CSN2: variants seen among roughly 807,000 people sequenced by gnomAD.
The protein encoded by CSN2 is beta-casein.
A neutral mutation model predicts 27.3 loss-of-function variants in CSN2; 27 were observed. The ratio of observed to expected loss-of-function variants is 0.99; its 90% confidence interval spans 0.73 to 1.36. The LOEUF is 1.36. CSN2 is among the 40% of genes most tolerant of loss of function. The probability of loss-of-function intolerance (pLI) is 0.00; values close to 1 mark genes in which losing one functional copy is unlikely to be tolerated. For missense variants in CSN2, 333 were observed against 264.5 expected (o/e 1.26, Z -1.80); for synonymous variants, 131 against 94.8 (o/e 1.38, Z -2.22).
At chr4:69,962,295 A>G (rs1461927522) in intron 1 of CSN2, among the ~76,000 whole-genome samples, 1 of 152,190 alleles carries the variant, frequency 6.6e-6, no homozygotes, top group Non-Finnish European at 1.5e-5. Context: ...AAGCCAAAAG[A>G]ACAAAGCTGG....
At chr4:69,959,884 A>G (rs1247058686) in intron 3 of CSN2, among the ~76,000 whole-genome samples, 169 bp downstream of exon 3, 1 of 152,098 alleles carries the variant, frequency 6.6e-6, no homozygotes, top group African/African-American at 2.4e-5. Flanking sequence ...AAGTTCTAGA[A>G]TGTTGTATTA....
chr4:69,955,730 T>C (rs1723375049), intron 7 of CSN2, 138 bp from the exon 8 acceptor site: 1 of 152,502 alleles, frequency 6.6e-6, no homozygotes, highest in Non-Finnish European at 1.5e-5. Flanking sequence ...TTTGGAGGCA[T>C]GTAAAGTTTG....
intron 6 of CSN2, 148 bp from the exon 7 acceptor site, chr4:69,956,503 A>G (rs575944544): frequency 3.9e-6 from 2 of 518,034 alleles, no homozygotes; most frequent in East Asian, 4.4e-5. Flanking sequence ...AGGCTTGTGT[A>G]AAATAAATAA....
In CSN2 at chr4:69,959,059, G is replaced by A. The variant is rs1273311351; in HGVS notation, c.89C>T (p.Thr30Ile). 8 of 1,385,780 alleles carry A rather than the reference G, an allele frequency of 5.8e-6. No homozygotes were observed. The highest frequency in any genetic ancestry group is 8.0e-6 in the Non-Finnish European group (8 of 1,002,732). The allele number at this position is 1,385,780 out of a possible 1,614,324, so 85.8% of individuals were successfully genotyped here. A position where few individuals can be genotyped will look rare whatever the true frequency, so the allele number is the denominator to read the frequency against. The change falls in exon 4 of 8, where the codon ACA (threonine) becomes ATA (isoleucine). Residue 30 changes from threonine to isoleucine, a missense_variant. Transcript: ENST00000353151. Reference sequence around the variant, plus strand: ...AATGTGAAAATTTACCTTGTATTCTGTAATAGATTCCTACAGAAAAATATA... The same window carrying A: ...AATGTGAAAATTTACCTTGTATTCTATAATAGATTCCTACAGAAAAATATA... ...ESLSSSEESI[T>I]EYKQKVEKVK...
chr4:69,964,126 A>G (rs1262624210), intron 1 of CSN2, among the ~76,000 whole-genome samples: 1 of 152,058 alleles, frequency 6.6e-6, no homozygotes, highest in African/African-American at 2.4e-5. Context: ...TCTTCCCCAC[A>G]TAGCTAATAA....
rs185188864 is a variant in CSN2 at position 69,959,944 on chromosome 4, A to C, written c.78+109T>G. On this transcript the variant is annotated intron_variant, in intron 3 of 7. Transcript: ENST00000353151. The stretch of plus-strand genomic sequence containing the variant: ...ACACATAAAAGAAATATGTACTAGA[A>C]CTTATATGTCATTAACATAGCTGCA... 10 of 911,322 alleles carry C rather than the reference A, an allele frequency of 1.1e-5. No individual in the cohort carries two copies. The East Asian group carries it at 2.5e-4, about 23-fold the overall frequency. 56.5% of individuals were successfully genotyped at this position (911,322 alleles called of 1,614,324 possible).
chr4:69,960,674 C>A (rs538107771), intron 2 of CSN2, among the ~76,000 whole-genome samples: 3 of 151,914 alleles, frequency 2.0e-5, no homozygotes, highest in Non-Finnish European at 4.4e-5. Flanking sequence ...TATTATATTT[C>A]GTTGCCATTT....
At chr4:69,962,641 AACCTAGGCAAT>A (rs1723636359) in intron 1 of CSN2, among the ~76,000 whole-genome samples, 1 of 152,194 alleles carries the variant, frequency 6.6e-6, no homozygotes, top group African/African-American at 2.4e-5. Flanking sequence ...CCTAGAAGAA[AACCTAGGCAAT>A]ACCATTCAGG....
intron 1 of CSN2, among the ~76,000 whole-genome samples, 99 bp downstream of exon 1, chr4:69,965,582 A>G (rs921461497): frequency 4.6e-5 from 7 of 151,546 alleles, no homozygotes; most frequent in Non-Finnish European, 1.0e-4. Context: ...TTTATTTCAA[A>G]CACTATATTT....
chr4:69,957,570 C>A lies in CSN2; in HGVS notation c.379G>T (p.Asp127Tyr), dbSNP rs752089071. 2.5e-6 allele frequency: 4 copies of A among 1,613,434 alleles called. No individual in the cohort carries two copies. The highest frequency in any genetic ancestry group is 3.4e-6 in the Non-Finnish European group (4 of 1,179,844). The change falls in exon 6 of 8, where the codon GAC becomes TAC. Residue 127 changes from aspartate (D) to tyrosine (Y), a missense_variant. Physicochemically the swap from Asp to Tyr is radical, Grantham distance 160. Coordinates refer to ENST00000353151, the MANE Select transcript of CSN2 (RefSeq NM_001891.4). ...VLKSPTIPFF[D>Y]PQIPKLTDLE... ...TCAGTGAGTTTTGGGATTTGAGGGT[C>A]AAAAAAGGGTATCGTTGGAGATTTA...
intron 1 of CSN2, among the ~76,000 whole-genome samples, chr4:69,963,014 T>G (rs946733838): frequency 6.6e-6 from 1 of 151,980 alleles, no homozygotes; most frequent in South Asian, 2.1e-4. Context: ...ATCAGAGAAA[T>G]GCAAATCAAA....
intron 6 of CSN2, among the ~76,000 whole-genome samples, chr4:69,956,709 C>T (rs1001357777): frequency 1.3e-5 from 2 of 152,050 alleles, no homozygotes; most frequent in African/African-American, 4.8e-5. Context: ...CAAATTCAAT[C>T]ATATTATTAA....
chr4:69,959,211 C>T (rs1578144159), intron 3 of CSN2, 142 bp from the exon 4 acceptor site: 1 of 661,694 alleles, frequency 1.5e-6, no homozygotes, highest in East Asian at 3.3e-5. Flanking sequence ...TTAAACTGTT[C>T]TATATGAGCT....
In CSN2 at chr4:69,957,372, C is replaced by T. The variant is rs116775276; in HGVS notation, c.577G>A (p.Val193Ile). The T allele has an allele frequency of 2.3e-3, 3,699 of 1,613,308 alleles. 76 individuals are homozygous for T. The African/African-American group carries it at 0.044, about 19-fold the overall frequency. Reference sequence around the variant, plus strand: ...TCTTGGTTGAGCAGAAGGGCTTGAACAGGCACAGCTCTCTGAGGGTAGGGC... The same window carrying T: ...TCTTGGTTGAGCAGAAGGGCTTGAATAGGCACAGCTCTCTGAGGGTAGGGC... ...VVPYPQRAVPVQALLLNQELL... is the reference protein window; with the variant it reads ...VVPYPQRAVPIQALLLNQELL... The change falls in exon 6 of 8, where the codon GTT becomes ATT. Residue 193 changes from valine to isoleucine, a missense_variant. Coordinates refer to ENST00000353151, the MANE Select transcript of CSN2 (RefSeq NM_001891.4).
chr4:69,961,061 T>C, intron 1 of CSN2, 54 bp from the exon 2 acceptor site: 1 of 1,271,190 alleles, frequency 7.9e-7, no homozygotes, highest in East Asian at 2.3e-5. Context: ...GGATATACTT[T>C]CTTATGTAGG....
At chr4:69,964,739 C>T (rs969143421) in intron 1 of CSN2, among the ~76,000 whole-genome samples, 1 of 149,844 alleles carries the variant, frequency 6.7e-6, no homozygotes, top group Admixed American at 6.7e-5. Flanking sequence ...ATAAACTTTA[C>T]TAGTTTTATT....
At chr4:69,956,109 T>G (rs971148731) in intron 7 of CSN2, among the ~76,000 whole-genome samples, 3 of 151,994 alleles carry the variant, frequency 2.0e-5, no homozygotes, top group African/African-American at 7.2e-5. Context: ...CAATAGTACA[T>G]AAATAAAATT....
intron 1 of CSN2, among the ~76,000 whole-genome samples, chr4:69,961,981 A>G (rs909171871): frequency 3.9e-5 from 6 of 152,246 alleles, no homozygotes; most frequent in East Asian, 1.9e-4. Flanking sequence ...CTCCCATTCA[A>G]AATTGCTTCA....
chr4:69,959,698 T>C (rs2109744353), intron 3 of CSN2, among the ~76,000 whole-genome samples: 1 of 152,164 alleles, frequency 6.6e-6, no homozygotes, highest in South Asian at 2.1e-4. Flanking sequence ...CATCTCTAAC[T>C]TTTCAGTTTG....
Sources: allele counts gnomAD v4.1 joint callset (sites outside exome capture counted in the v4.1 genomes callset), GRCh38; gene constraint gnomAD v4.1.1; transcripts MANE v1.5; gene names NCBI Gene and HGNC (gene_info 2026-07-23, HGNC 2026-07-21).